Variants in ZBBX observed in about 807,000 individuals in gnomAD.
The protein encoded by ZBBX is zinc finger B-box domain containing.
Under a neutral mutation model 108.5 loss-of-function variants are expected in ZBBX, and 101 were observed. That is an observed-to-expected ratio of 0.93 (90% confidence interval 0.79 to 1.10). The LOEUF is 1.10. ZBBX is among the 50% of genes least tolerant of loss of function. ZBBX has a pLI of 0.00. For missense variants in ZBBX, 1,009 were observed against 941.4 expected (o/e 1.07, Z -0.94); for synonymous variants, 356 against 323.4 (o/e 1.10, Z -1.08).
intron 20 of ZBBX, among the ~76,000 whole-genome samples, chr3:167,266,467 C>T (rs1651304919): frequency 6.6e-6 from 1 of 152,124 alleles, no homozygotes; most frequent in Admixed American, 6.5e-5. Context: ...ACATCTCTTC[C>T]CTTGGTTACC....
In ZBBX at chr3:167,317,011, C is replaced by CA. The variant is rs748714436; in HGVS notation, c.1187dup (p.Asp397GlyfsTer2). 5 of 1,589,024 alleles carry CA rather than the reference C, an allele frequency of 3.1e-6. No individual in the cohort carries two copies. The South Asian group carries it at 4.5e-5, about 14-fold the overall frequency. ...TATGCACTTATGCACTTACATCATCCAGTTCGACTATCTTTAGAGATGGTT... is the reference window on the plus strand; with the variant it reads ...TATGCACTTATGCACTTACATCATCCAAGTTCGACTATCTTTAGAGATGGTT... On this transcript the variant is annotated frameshift_variant, in exon 14 of 22. Coordinates refer to ENST00000675490, the MANE Select transcript of ZBBX (RefSeq NM_001199201.2). LOFTEE classifies it high-confidence loss of function.
At chr3:167,393,148 T>A (rs1748128845) in intron 1 of ZBBX, among the ~76,000 whole-genome samples, 1 of 151,826 alleles carries the variant, frequency 6.6e-6, no homozygotes, top group Non-Finnish European at 1.5e-5. Context: ...ACTTAAGGAT[T>A]ACATTTTTCA....
chr3:167,302,635 G>A (rs542332186), intron 17 of ZBBX, among the ~76,000 whole-genome samples: 3 of 152,256 alleles, frequency 2.0e-5, no homozygotes, highest in Non-Finnish European at 2.9e-5. Flanking sequence ...ATTGTGAAGG[G>A]TCTGAGATTT....
the ZBBX span, among the ~76,000 whole-genome samples, chr3:167,188,832 G>A: frequency 2.6e-5 from 4 of 152,176 alleles, no homozygotes; most frequent in African/African-American, 9.7e-5. Flanking sequence ...AAAGGTAAAG[G>A]GTGTAGGTTT....
In ZBBX at chr3:167,333,809, A is replaced by G; in HGVS notation, c.687+18T>C. 7.6e-6 allele frequency: 12 copies of G among 1,572,394 alleles called. No homozygotes were observed. The highest frequency in any genetic ancestry group is 1.0e-5 in the Non-Finnish European group (12 of 1,162,946). ...TTACATATGTCAGAAAATGTCTACT[A>G]TATTTTCCTCAGTTTACCTCAGAGC... On this transcript the variant is annotated intron_variant, in intron 10 of 21. Coordinates refer to ENST00000675490, the MANE Select transcript of ZBBX (RefSeq NM_001199201.2).
intron 9 of ZBBX, among the ~76,000 whole-genome samples, chr3:167,348,373 A>AAGAAAAAG (rs1553833149): frequency 1.4e-5 from 2 of 139,652 alleles, no homozygotes; most frequent in African/African-American, 2.7e-5. Flanking sequence ...AGAAAGAAAA[A>AAGAAAAAG]AAAGAAAAGA....
chr3:167,399,163 C>T (rs1048224827), intron 1 of ZBBX, among the ~76,000 whole-genome samples: 5 of 152,000 alleles, frequency 3.3e-5, no homozygotes, highest in African/African-American at 7.2e-5. Context: ...CATGCACTCA[C>T]TCATTCATTC....
In ZBBX at chr3:167,336,879, T is replaced by C. The variant is rs567805001; in HGVS notation, c.529-2894A>G. On this transcript the variant is annotated intron_variant, in intron 9 of 21. Coordinates refer to ENST00000675490, the MANE Select transcript of ZBBX (RefSeq NM_001199201.2). The stretch of plus-strand genomic sequence containing the variant: ...TTATTTTTATATTTGACCAAGTATA[T>C]AGAAATAAATCATAGTCATACCATA... Among the ~76,000 whole-genome samples, 34 of 152,336 alleles carry C rather than the reference T, an allele frequency of 2.2e-4. 2 individuals are homozygous for C. The highest frequency in any genetic ancestry group is 7.0e-4 in the African/African-American group (29 of 41,568).
intron 1 of ZBBX, among the ~76,000 whole-genome samples, chr3:167,387,007 G>A (rs563648518): frequency 2.6e-5 from 4 of 151,702 alleles, no homozygotes; most frequent in African/African-American, 9.7e-5. Context: ...CTTACCTTTG[G>A]GAAAGTTACT....
the ZBBX span, among the ~76,000 whole-genome samples, chr3:167,220,809 T>A: frequency 2.6e-5 from 4 of 151,918 alleles, no homozygotes; most frequent in African/African-American, 9.7e-5. Context: ...TCATATAATA[T>A]CATCTTAAAT....
At position 167,340,721 on chromosome 3, in the gene ZBBX, G is replaced by C. The variant is rs184963953; in HGVS notation, c.529-6736C>G. Among the ~76,000 whole-genome samples the C allele has an allele frequency of 4.4e-3, 673 of 151,900 alleles. 4 individuals carry two copies. Among genetic ancestry groups the C allele is most frequent in the African/African-American group, 0.015 (636 of 41,472 alleles). On this transcript the variant is annotated intron_variant, in intron 9 of 21. Coordinates refer to ENST00000675490, the MANE Select transcript of ZBBX (RefSeq NM_001199201.2). ...CAAAAGAAAGGGTTGGGGGGTGCAG[G>C]GGAGTAAACTTTGGGCCAACTGGAA...
At chr3:167,286,313 G>A (rs1028809200) in intron 19 of ZBBX, among the ~76,000 whole-genome samples, 3 of 152,240 alleles carry the variant, frequency 2.0e-5, no homozygotes, top group African/African-American at 7.2e-5. Context: ...GTGTTGCTGT[G>A]TGATACATGG....
At chr3:167,304,427 T>C (rs1167612728) in intron 17 of ZBBX, among the ~76,000 whole-genome samples, 2 of 152,184 alleles carry the variant, frequency 1.3e-5, no homozygotes, top group African/African-American at 4.8e-5. Flanking sequence ...TCAATCGTTT[T>C]CTTCACTGGG....
chr3:167,398,989 C>T (rs1748334420), intron 1 of ZBBX, among the ~76,000 whole-genome samples: 1 of 150,902 alleles, frequency 6.6e-6, no homozygotes, highest in Non-Finnish European at 1.5e-5. Flanking sequence ...AAGAACTGAG[C>T]TAACAATTAG....
At chr3:167,229,498 TA>T in the ZBBX span, among the ~76,000 whole-genome samples, 2 of 151,804 alleles carry the variant, frequency 1.3e-5, no homozygotes, top group East Asian at 3.9e-4. Context: ...AAATGTTTAT[TA>T]GGTGGATGAC....
chr3:167,284,192 CTA>C (rs71632466), intron 19 of ZBBX, among the ~76,000 whole-genome samples: 5 of 108,108 alleles, frequency 4.6e-5, no homozygotes, highest in African/African-American at 1.4e-4. Context: ...ATATCTATAT[CTA>C]TATATATATA....
intron 10 of ZBBX, chr3:167,331,535 T>C: frequency 2.0e-6 from 2 of 983,804 alleles, no homozygotes; most frequent in Non-Finnish European, 2.4e-6. Flanking sequence ...TGTCAGACAT[T>C]TTCATATTGG....
chr3:167,345,558 T>A (rs76153477), intron 9 of ZBBX, among the ~76,000 whole-genome samples: 1,569 of 152,002 alleles, frequency 0.01, 23 homozygotes, highest in African/African-American at 0.036. Context: ...GACTTTATGA[T>A]AATTCCTTTT....
intron 19 of ZBBX, 97 bp from the exon 20 acceptor site, chr3:167,282,592 A>G: frequency 1.9e-6 from 2 of 1,025,676 alleles, no homozygotes; most frequent in Non-Finnish European, 2.9e-6. Flanking sequence ...CAGAGAAGTT[A>G]AGTTCATGTA....
Sources: allele counts gnomAD v4.1 joint callset (sites outside exome capture counted in the v4.1 genomes callset), GRCh38; gene constraint gnomAD v4.1.1; transcripts MANE v1.5; gene names NCBI Gene and HGNC (gene_info 2026-07-23, HGNC 2026-07-21).